The following SEMA3E variants were observed in gnomAD, a reference collection of about 807,000 sequenced individuals.
SEMA3E encodes semaphorin 3E.
Under a neutral mutation model 93.6 loss-of-function variants are expected in SEMA3E, and 49 were observed. The observed-to-expected ratio is 0.52, with a 90% CI of 0.42 to 0.66. The LOEUF is 0.66. Ranked by LOEUF, SEMA3E falls within the 30% of genes least tolerant of loss-of-function variation. SEMA3E has a pLI of 0.00. For missense variants in SEMA3E, 906 were observed against 964.8 expected, an observed-to-expected ratio of 0.94 and a Z score of 0.81; for synonymous variants, 363 against 330.7, an observed-to-expected ratio of 1.10 and a Z score of -1.06.
chr7:83,509,309 A>G (rs75945204), intron 1 of SEMA3E, among the ~76,000 whole-genome samples: 2,790 of 152,274 alleles, frequency 0.018, 81 homozygotes, highest in African/African-American at 0.064. Context: ...TAGGGGGAAA[A>G]CATGAAGGTT....
intron 2 of SEMA3E, among the ~76,000 whole-genome samples, chr7:83,476,506 T>C (rs138201278): frequency 3.7e-4 from 57 of 152,236 alleles, no homozygotes; most frequent in African/African-American, 1.2e-3. Context: ...AACAGAAATA[T>C]AGGTTTACCA....
rs1317311218 is a variant in SEMA3E, at chr7:83,408,434, T to C, written c.604A>G (p.Ile202Val). 11 of 1,613,662 alleles carry C rather than the reference T, an allele frequency of 6.8e-6. No individual in the cohort carries two copies. The highest frequency in any genetic ancestry group is 2.7e-5 in the African/African-American group (2 of 75,044). Residue 202 changes from isoleucine (I) to valine (V), a missense_variant, in exon 6 of 17, where the codon ATC becomes GTC. Ile to Val is a conservative substitution (Grantham distance 29). Coordinates refer to ENST00000643230, the MANE Select transcript of SEMA3E (RefSeq NM_012431.3). ...GCCAGTCGCCCCATGCTGCGGAAGA[T>C]CGCAGCGTCTCTGCTCCAGTAGTCA... ...YSDYWSRDAA[I>V]FRSMGRLAHI...
intron 4 of SEMA3E, among the ~76,000 whole-genome samples, chr7:83,441,529 G>A (rs1293577693): frequency 6.6e-6 from 1 of 152,208 alleles, no homozygotes; most frequent in African/African-American, 2.4e-5. Context: ...TGCTGCTGCA[G>A]CTGGGTCTGC....
At chr7:83,503,173 A>G (rs538875814) in intron 1 of SEMA3E, among the ~76,000 whole-genome samples, 6 of 152,260 alleles carry the variant, frequency 3.9e-5, no homozygotes, top group African/African-American at 1.4e-4. Context: ...TTTCACAATT[A>G]CATGATTACT....
chr7:83,392,441 T>A, intron 14 of SEMA3E, 114 bp downstream of exon 14: 1 of 1,190,292 alleles, frequency 8.4e-7, no homozygotes, highest in Non-Finnish European at 1.2e-6. Context: ...CCAGTCTCTG[T>A]ACACAATAAT....
At chr7:83,566,647 T>A (rs1055651304) in intron 1 of SEMA3E, among the ~76,000 whole-genome samples, 1 of 152,188 alleles carries the variant, frequency 6.6e-6, no homozygotes, top group Admixed American at 6.5e-5. Flanking sequence ...TGTCCCAACA[T>A]ACTTACGTTT....
intron 1 of SEMA3E, among the ~76,000 whole-genome samples, chr7:83,639,281 T>G (rs1793950812): frequency 6.6e-6 from 1 of 152,014 alleles, no homozygotes. Flanking sequence ...CTGACCCAGC[T>G]CAGAAGCAGA....
chr7:83,467,364 T>A (rs1789789898), intron 3 of SEMA3E, among the ~76,000 whole-genome samples: 1 of 152,184 alleles, frequency 6.6e-6, no homozygotes, highest in Non-Finnish European at 1.5e-5. Context: ...AATTTTAATG[T>A]TTTGGAAAGT....
rs573548995 is a variant in SEMA3E, at chr7:83,606,671, G to A, written c.115+41757C>T. 4.9e-3 allele frequency among the ~76,000 whole-genome samples: 706 copies of A among 145,398 alleles called. 3 individuals carry two copies. Among genetic ancestry groups the A allele is most frequent in the African/African-American group, 0.016 (636 of 38,836 alleles). On this transcript the variant is annotated intron_variant, in intron 1 of 16. Transcript: ENST00000643230. ...AGATATACCTAATGCTAGATGACAC[G>A]TTAGTGGGTGCAGCACACCAGCATG...
Position 83,525,803 on chromosome 7 carries a change from G to A in SEMA3E, c.116-35529C>T, listed in dbSNP as rs796240087. On this transcript the variant is annotated intron_variant, in intron 1 of 16. Coordinates refer to ENST00000643230, the MANE Select transcript of SEMA3E (RefSeq NM_012431.3). ...GTTTGGGTTTTTTTTTTTTTTTTTC[G>A]TCTCTATATTTCATTTTAGATGATT... Among the ~76,000 whole-genome samples, 53 of 73,170 alleles carry A rather than the reference G, an allele frequency of 7.2e-4. 1 individual carries two copies. The highest frequency in any genetic ancestry group is 2.0e-3 in the African/African-American group (38 of 19,252). 48.0% of individuals were successfully genotyped at this position (73,170 alleles called of 152,430 possible).
chr7:83,621,140 A>G (rs1487218788), intron 1 of SEMA3E, among the ~76,000 whole-genome samples: 1 of 152,200 alleles, frequency 6.6e-6, no homozygotes, highest in Non-Finnish European at 1.5e-5. Context: ...AAGCAACTTC[A>G]GCAAAGTTTC....
chr7:83,526,840 C>T (rs770933115), intron 1 of SEMA3E, among the ~76,000 whole-genome samples: 35 of 152,010 alleles, frequency 2.3e-4, no homozygotes, highest in Non-Finnish European at 4.4e-4. Flanking sequence ...CCAGTTAAAC[C>T]GTGGGAGGGT....
At chr7:83,542,431 G>GAAAGTGAATA (rs778286177) in intron 1 of SEMA3E, among the ~76,000 whole-genome samples, 3 of 152,076 alleles carry the variant, frequency 2.0e-5, no homozygotes, top group Non-Finnish European at 2.9e-5. Flanking sequence ...TGTATTCATT[G>GAAAGTGAATA]AAAGTGAATA....
At chr7:83,481,147 C>T (rs1790137568) in intron 2 of SEMA3E, among the ~76,000 whole-genome samples, 1 of 151,964 alleles carries the variant, frequency 6.6e-6, no homozygotes, top group South Asian at 2.1e-4. Flanking sequence ...TTTTAAGAGA[C>T]AAATGCAGAT....
rs575172535 is a variant in SEMA3E at position 83,466,746 on chromosome 7, A to C, written c.337-145T>G. ...AAGGAGGCAAGAGGGGTAGAAGAAA[A>C]GAGGACAAGAACTTGGAGAAGAAAC... On this transcript the variant is annotated intron_variant, in intron 3 of 16. Coordinates refer to ENST00000643230, the MANE Select transcript of SEMA3E (RefSeq NM_012431.3). 3 of 958,786 alleles carry C rather than the reference A, an allele frequency of 3.1e-6. No individual in the cohort carries two copies. In the South Asian group the frequency reaches 4.3e-5, roughly 14 times the overall value. 59.4% of individuals were successfully genotyped at this position (958,786 alleles called of 1,614,324 possible). A position where few individuals can be genotyped will look rare whatever the true frequency, so the allele number is the denominator to read the frequency against.
chr7:83,420,442 TAGAAGA>T (rs1788650603), intron 4 of SEMA3E, among the ~76,000 whole-genome samples: 1 of 152,080 alleles, frequency 6.6e-6, no homozygotes, highest in African/African-American at 2.4e-5. Context: ...TTCACAGAAT[TAGAAGA>T]AAACTATTCT....
chr7:83,533,554 G>GATAAAATAAA (rs201440310), intron 1 of SEMA3E, among the ~76,000 whole-genome samples: 1,806 of 149,878 alleles, frequency 0.012, 18 homozygotes, highest in Non-Finnish European at 0.019. Flanking sequence ...AATAAAATAC[G>GATAAAATAAA]ATAAAATAAA....
At chr7:83,617,289 A>G (rs1793389776) in intron 1 of SEMA3E, among the ~76,000 whole-genome samples, 1 of 151,138 alleles carries the variant, frequency 6.6e-6, no homozygotes, top group East Asian at 1.9e-4. Context: ...CATATGTGAC[A>G]GATAATAAAT....
At chr7:83,544,760 T>C (rs1744716738) in intron 1 of SEMA3E, among the ~76,000 whole-genome samples, 1 of 152,104 alleles carries the variant, frequency 6.6e-6, no homozygotes, top group Non-Finnish European at 1.5e-5. Context: ...ATTCTTAACA[T>C]AGGCCAGTAG....
Sources: allele counts gnomAD v4.1 joint callset (sites outside exome capture counted in the v4.1 genomes callset), GRCh38; gene constraint gnomAD v4.1.1; transcripts MANE v1.5; gene names NCBI Gene and HGNC (gene_info 2026-07-23, HGNC 2026-07-21).